Variants in OR2L13 observed in about 807,000 individuals in gnomAD.
The protein encoded by OR2L13 is olfactory receptor family 2 subfamily L member 13, also known as olfactory receptor 2L13.
A neutral mutation model predicts 15.3 loss-of-function variants in OR2L13; 14 were observed. The ratio of observed to expected loss-of-function variants is 0.91; its 90% CI spans 0.60 to 1.43. The LOEUF is 1.43. Ranked by LOEUF, OR2L13 falls within the 40% of genes most tolerant of loss-of-function variation. OR2L13 has a pLI of 0.00. For synonymous variants in OR2L13, 152 were observed against 142.9 expected (o/e 1.06, Z -0.45); for missense variants, 367 against 387.9 (o/e 0.95, Z 0.45).
the OR2L13 span, among the ~76,000 whole-genome samples, chr1:247,971,185 G>T: frequency 6.6e-6 from 1 of 152,068 alleles, no homozygotes; most frequent in Non-Finnish European, 1.5e-5. Flanking sequence ...TGATACAATA[G>T]TTTCACATAC....
At chr1:248,004,307 G>T in the OR2L13 span, among the ~76,000 whole-genome samples, 1 of 152,100 alleles carries the variant, frequency 6.6e-6, no homozygotes, top group South Asian at 2.1e-4. Flanking sequence ...CCAAAATATT[G>T]TCAATGAGAA....
chr1:248,018,110 A>C, the OR2L13 span, among the ~76,000 whole-genome samples: 11 of 150,894 alleles, frequency 7.3e-5, no homozygotes, highest in African/African-American at 2.0e-4. Context: ...AGCCGAGATC[A>C]CACCACTGCA....
the OR2L13 span, chr1:248,024,265 T>C: frequency 9.8e-5 from 15 of 152,314 alleles, 1 homozygote; most frequent in South Asian, 3.1e-3. Flanking sequence ...GAAAATTTTA[T>C]ATCTGATTTG....
chr1:248,042,508 TAAA>T, the OR2L13 span, among the ~76,000 whole-genome samples: 1 of 150,820 alleles, frequency 6.6e-6, no homozygotes, highest in South Asian at 2.1e-4. Context: ...AGTACAATAA[TAAA>T]AAATAAATAA....
the OR2L13 span, among the ~76,000 whole-genome samples, chr1:247,948,350 G>A: frequency 2.1e-4 from 32 of 152,206 alleles, no homozygotes; most frequent in Admixed American, 5.2e-4. Context: ...TATAATATTT[G>A]ACTTTGAATG....
the OR2L13 span, among the ~76,000 whole-genome samples, chr1:247,953,900 C>T: frequency 2.7e-5 from 4 of 150,802 alleles, no homozygotes; most frequent in African/African-American, 7.3e-5. Context: ...CCTAGGGACT[C>T]CCCTGGAATT....
chr1:248,000,664 T>A, the OR2L13 span, among the ~76,000 whole-genome samples: 3 of 151,910 alleles, frequency 2.0e-5, no homozygotes, highest in East Asian at 3.9e-4. Flanking sequence ...TTTTTTTTTT[T>A]AACTGAATTC....
At chr1:248,090,645 C>T (rs868447217), upstream of OR2L13, among the ~76,000 whole-genome samples, 3 of 152,182 alleles carry the variant, frequency 2.0e-5, no homozygotes, top group Non-Finnish European at 2.9e-5. Flanking sequence ...CATAGTATTT[C>T]GTGGTGTATA....
chr1:248,081,471 T>G, the OR2L13 span, among the ~76,000 whole-genome samples: 1 of 152,172 alleles, frequency 6.6e-6, no homozygotes, highest in East Asian at 1.9e-4. Flanking sequence ...TTCCAAAATT[T>G]TATAGGCCTC....
chr1:247,967,241 T>TG, the OR2L13 span, among the ~76,000 whole-genome samples: 1 of 152,194 alleles, frequency 6.6e-6, no homozygotes, highest in East Asian at 1.9e-4. Context: ...GTTTTTTTGT[T>TG]TTTTTGAGAT....
At chr1:248,045,224 TAAAC>T in the OR2L13 span, among the ~76,000 whole-genome samples, 1 of 152,178 alleles carries the variant, frequency 6.6e-6, no homozygotes, top group African/African-American at 2.4e-5. Context: ...AAATGTAAAA[TAAAC>T]AGCCCAGTTT....
the OR2L13 span, among the ~76,000 whole-genome samples, chr1:248,048,439 G>GA: frequency 6.6e-6 from 1 of 152,178 alleles, no homozygotes; most frequent in Admixed American, 6.6e-5. Flanking sequence ...AAGGAAGGAG[G>GA]AATCTCCTGT....
At chr1:247,962,828 T>G in the OR2L13 span, among the ~76,000 whole-genome samples, 121,469 of 152,146 alleles carry the variant, frequency 0.8, 52,685 homozygotes, top group South Asian at 0.95. Context: ...ACAAAAATAT[T>G]TGATGCAATT....
chr1:248,075,488 A>G, the OR2L13 span, among the ~76,000 whole-genome samples: 3 of 152,102 alleles, frequency 2.0e-5, no homozygotes, highest in Admixed American at 6.6e-5. Context: ...AAGCGTTCCT[A>G]TTTCTCCACA....
the OR2L13 span, chr1:247,966,200 C>T: frequency 6.2e-7 from 1 of 1,613,704 alleles, no homozygotes; most frequent in East Asian, 2.2e-5. Context: ...AAGGCGGTGG[C>T]AGTATTTTAC....
the OR2L13 span, among the ~76,000 whole-genome samples, chr1:248,081,897 C>T: frequency 1.3e-5 from 2 of 152,134 alleles, no homozygotes; most frequent in African/African-American, 4.8e-5. Context: ...TGTTCTAAAA[C>T]AAGCCCCTTT....
chr1:247,983,525 A>T, the OR2L13 span, among the ~76,000 whole-genome samples: 2 of 152,220 alleles, frequency 1.3e-5, no homozygotes, highest in Non-Finnish European at 2.9e-5. Flanking sequence ...TTTGGTGGAT[A>T]AAAAACTAAG....
At chr1:248,080,298 T>G in the OR2L13 span, among the ~76,000 whole-genome samples, 5 of 152,158 alleles carry the variant, frequency 3.3e-5, no homozygotes, top group African/African-American at 9.7e-5. Flanking sequence ...GAATTATACT[T>G]TAAGTTCTGG....
the OR2L13 span, among the ~76,000 whole-genome samples, chr1:248,019,398 G>T: frequency 1.3e-5 from 2 of 152,066 alleles, no homozygotes; most frequent in Non-Finnish European, 2.9e-5. Context: ...CTCATAATGG[G>T]TTTATCAGGA....
Sources: allele counts gnomAD v4.1 joint callset (sites outside exome capture counted in the v4.1 genomes callset), GRCh38; gene constraint gnomAD v4.1.1; transcripts MANE v1.5; gene names NCBI Gene and HGNC (gene_info 2026-07-23, HGNC 2026-07-21).